SLC26A11: variants seen among roughly 807,000 people sequenced by gnomAD.
SLC26A11 encodes the protein sodium-independent sulfate anion transporter.
SLC26A11 carries 58 observed loss-of-function variants against 62.2 expected under a neutral mutation model. The observed-to-expected ratio is 0.93, with a 90% confidence interval of 0.76 to 1.16. The LOEUF is 1.16. Ranked by LOEUF, SLC26A11 falls within the 50% of genes most tolerant of loss-of-function variation. The probability of loss-of-function intolerance (pLI) is 0.00; values close to 1 mark genes in which losing one functional copy is unlikely to be tolerated. For synonymous variants in SLC26A11, 411 were observed against 368.9 expected (o/e 1.11, Z -1.31); for missense variants, 790 against 794.3 (o/e 0.99, Z 0.06).
Position 80,222,976 on chromosome 17 carries a change from T to C in SLC26A11, c.427+129T>C. 1.4e-6 allele frequency: 1 copy of C among 725,362 alleles called. No homozygotes were observed. The highest frequency in any genetic ancestry group is 2.2e-6 in the Non-Finnish European group (1 of 457,174). 44.9% of individuals were successfully genotyped at this position (725,362 alleles called of 1,614,324 possible). Reference sequence around the variant, plus strand: ...GGGTATGTATGTGTGTGTGTGTAGGTGGGTGGGTGGTGGAGGGGGTGGGGC... The same window carrying C: ...GGGTATGTATGTGTGTGTGTGTAGGCGGGTGGGTGGTGGAGGGGGTGGGGC... On this transcript the variant is annotated intron_variant, in intron 4 of 17. Coordinates refer to ENST00000361193, the MANE Select transcript of SLC26A11 (RefSeq NM_001166347.2). This position sits in a 1 kb window ranked among gnomAD's most constrained non-coding sequence, Gnocchi z 4.7.
In SLC26A11 at chr17:80,223,561, C is replaced by T. The variant is rs1368446509; in HGVS notation, c.513+224C>T. Among the ~76,000 whole-genome samples, 13 of 152,216 alleles carry T rather than the reference C, an allele frequency of 8.5e-5. No homozygotes were observed. Among genetic ancestry groups the T allele is most frequent in the African/African-American group, 2.4e-4 (10 of 41,450 alleles). On this transcript the variant is annotated intron_variant, in intron 5 of 17. Coordinates refer to ENST00000361193, the MANE Select transcript of SLC26A11 (RefSeq NM_001166347.2). The surrounding 1 kb of genome is among the most constrained non-coding windows in gnomAD (Gnocchi z 4.6). ...GTCACGTGATGGTTGGATTTCACAG[C>T]GGGTAACTTGGGGGCCGGTAATTCC...
At chr17:80,232,560 A>G (rs906566884) in intron 7 of SLC26A11, among the ~76,000 whole-genome samples, 4 of 151,966 alleles carry the variant, frequency 2.6e-5, no homozygotes, top group African/African-American at 9.7e-5. Context: ...TTTACTTTTA[A>G]CGTATTTAAT....
chr17:80,243,443 G>A (rs1026527167), intron 10 of SLC26A11, among the ~76,000 whole-genome samples: 1 of 151,782 alleles, frequency 6.6e-6, no homozygotes, highest in African/African-American at 2.4e-5. Flanking sequence ...TGTCGCCCAG[G>A]CTGGAGTGCA....
Position 80,248,606 on chromosome 17 carries a change from C to T in SLC26A11, c.1454C>T (p.Pro485Leu), listed in dbSNP as rs200526137. 1.6e-5 allele frequency: 26 copies of T among 1,589,100 alleles called. No individual in the cohort carries two copies. In the Middle Eastern group the frequency reaches 5.1e-4, roughly 31 times the overall value. The change falls in exon 15 of 18, where the codon CCG becomes CTG. Residue 485 changes from proline to leucine, a missense_variant. By Grantham distance (98) the Pro-to-Leu change is moderately conservative. Coordinates refer to ENST00000361193, the MANE Select transcript of SLC26A11 (RefSeq NM_001166347.2). Reference sequence around the variant, plus strand: ...GAGGGGCCGGTTCTGGTCCTGCAGCCGGCCAGCGGCCTGTCCTTCCCTGCC... The same window carrying T: ...GAGGGGCCGGTTCTGGTCCTGCAGCTGGCCAGCGGCCTGTCCTTCCCTGCC... ...VSEGPVLVLQPASGLSFPAME... is the reference protein window; with the variant it reads ...VSEGPVLVLQLASGLSFPAME...
In SLC26A11 at chr17:80,234,660, G is replaced by A. The variant is rs113856670; in HGVS notation, c.737-2268G>A. 9.6e-4 allele frequency among the ~76,000 whole-genome samples: 146 copies of A among 152,202 alleles called. 1 individual carries two copies. The highest frequency in any genetic ancestry group is 3.1e-3 in the African/African-American group (130 of 41,530). On this transcript the variant is annotated intron_variant, in intron 7 of 17. Coordinates refer to ENST00000361193, the MANE Select transcript of SLC26A11 (RefSeq NM_001166347.2). ...CCCCTGTCTGTATTTCAGGCACCTC[G>A]AAGGTGTTCCCACAGCTCACTTGGG... is the stretch of plus-strand genomic sequence containing the variant.
intron 15 of SLC26A11, 133 bp from the exon 16 acceptor site, chr17:80,249,021 C>A: frequency 8.8e-7 from 1 of 1,135,512 alleles, no homozygotes. Flanking sequence ...CCCAACTGGG[C>A]GACTCAGCCG....
chr17:80,245,308 T>A, intron 11 of SLC26A11, 52 bp downstream of exon 11: 1 of 1,575,864 alleles, frequency 6.3e-7, no homozygotes, highest in Non-Finnish European at 8.7e-7. Flanking sequence ...GCCCTAACGT[T>A]GTTACGCTGA....
intron 7 of SLC26A11, among the ~76,000 whole-genome samples, chr17:80,236,474 C>G (rs897162518): frequency 6.6e-6 from 1 of 152,230 alleles, no homozygotes; most frequent in Admixed American, 6.5e-5. Context: ...GTGATAGACT[C>G]ACCTCCCTTG....
At chr17:80,244,246 C>T (rs896503637) in intron 10 of SLC26A11, among the ~76,000 whole-genome samples, 5 of 152,182 alleles carry the variant, frequency 3.3e-5, no homozygotes, top group Admixed American at 2.0e-4. Context: ...CAGTGATCCC[C>T]GTTCTTGGGC....
intron 9 of SLC26A11, among the ~76,000 whole-genome samples, chr17:80,239,258 T>A (rs572959289): frequency 1.3e-5 from 2 of 152,022 alleles, no homozygotes; most frequent in East Asian, 3.9e-4. Flanking sequence ...TTTGTATTTT[T>A]AGTAGAGATG....
rs541494917 is a variant in SLC26A11 at position 80,246,989 on chromosome 17, G to T, written c.1294+340G>T. 7.2e-5 allele frequency among the ~76,000 whole-genome samples: 11 copies of T among 151,776 alleles called. 1 individual carries two copies. The South Asian group carries it at 2.3e-3, about 32-fold the overall frequency. The stretch of plus-strand genomic sequence containing the variant: ...CCCGGCCCAGCTGGGGGAGGGACAG[G>T]AGACGTCCCTGGTGACCAGCAGGGC... On this transcript the variant is annotated intron_variant, in intron 13 of 17. Coordinates refer to ENST00000361193, the MANE Select transcript of SLC26A11 (RefSeq NM_001166347.2). This position sits in a 1 kb window ranked among gnomAD's most constrained non-coding sequence, Gnocchi z 4.4.
chr17:80,252,938 T>G lies in SLC26A11; in HGVS notation c.*222T>G. The G allele has an allele frequency of 4.2e-6, 2 of 475,388 alleles. No individual in the cohort carries two copies. The highest frequency in any genetic ancestry group is 7.6e-6 in the Non-Finnish European group (2 of 262,066). 29.4% of individuals were successfully genotyped at this position (475,388 alleles called of 1,614,324 possible). On this transcript the variant is annotated 3_prime_UTR_variant, in exon 18 of 18. Coordinates refer to ENST00000361193, the MANE Select transcript of SLC26A11 (RefSeq NM_001166347.2). The surrounding 1 kb of genome is among the most constrained non-coding windows in gnomAD (Gnocchi z 5.2). ...TGACTGGAAAATGACCTCGCTGCTG[T>G]TCCCTGGCATGACCCTCTTTGGAAG... is the stretch of plus-strand genomic sequence containing the variant.
chr17:80,246,582 C>T lies in SLC26A11; in HGVS notation c.1227C>T (p.Ala409=), dbSNP rs763377488. The change falls in exon 13 of 18, where the codon GCC becomes GCT. Residue 409 remains alanine, a synonymous_variant. Transcript: ENST00000361193. The surrounding 1 kb of genome is among the most constrained non-coding windows in gnomAD (Gnocchi z 4.4). ...ACATCCCCAAGTCTGCCCTGGCTGC[C>T]GTCATCATCATGGCCGTGGCCCCGC... The part of the protein sequence containing the change: ...FYYIPKSALA[A]VIIMAVAPLF... The T allele has an allele frequency of 6.8e-6, 11 of 1,613,902 alleles. No individual in the cohort carries two copies. The highest frequency in any genetic ancestry group is 6.7e-5 in the African/African-American group (5 of 74,936).
intron 5 of SLC26A11, among the ~76,000 whole-genome samples, chr17:80,225,329 C>T (rs985479325): frequency 2.0e-5 from 3 of 152,248 alleles, no homozygotes; most frequent in African/African-American, 7.2e-5. Flanking sequence ...CCCTCAGAGC[C>T]CTCCACATCT....
chr17:80,249,243 G>A lies in SLC26A11; in HGVS notation c.1612G>A (p.Asp538Asn). Residue 538 changes from aspartate (D) to asparagine (N), a missense_variant, in exon 16 of 18, where the codon GAC becomes AAC. Coordinates refer to ENST00000361193, the MANE Select transcript of SLC26A11 (RefSeq NM_001166347.2). ...VVLGLGELLQ[D>N]FQKQGVALAF... The stretch of plus-strand genomic sequence containing the variant: ...GCTGGGACTCGGCGAGCTCCTCCAG[G>A]ACTTCCAGAAGCAGGGCGTCGCCCT... 1 of 1,611,640 alleles carries A rather than the reference G, an allele frequency of 6.2e-7. No individual in the cohort carries two copies. The highest frequency in any genetic ancestry group is 8.5e-7 in the Non-Finnish European group (1 of 1,180,002).
chr17:80,249,677 G>A (rs1009715885), intron 16 of SLC26A11, among the ~76,000 whole-genome samples: 8 of 152,110 alleles, frequency 5.3e-5, no homozygotes, highest in African/African-American at 1.2e-4. Flanking sequence ...AGGCCAAGGC[G>A]GGCAGATCAC....
chr17:80,222,968 TG>T lies in SLC26A11; in HGVS notation c.427+122del. 1 of 996,944 alleles carries T rather than the reference TG, an allele frequency of 1.0e-6. No homozygotes were observed. The highest frequency in any genetic ancestry group is 1.5e-6 in the Non-Finnish European group (1 of 682,220). The allele number at this position is 996,944 out of a possible 1,614,324, so 61.8% of individuals were successfully genotyped here. ...TGGGGTGTGGGTATGTATGTGTGTG[TG>T]TGTAGGTGGGTGGGTGGTGGAGGGG... On this transcript the variant is annotated intron_variant, in intron 4 of 17. Transcript: ENST00000361193. The surrounding 1 kb of genome is among the most constrained non-coding windows in gnomAD (Gnocchi z 4.7).
intron 6 of SLC26A11, among the ~76,000 whole-genome samples, chr17:80,227,536 G>A (rs561082648): frequency 1.3e-5 from 2 of 152,386 alleles, no homozygotes; most frequent in Non-Finnish European, 1.5e-5. Context: ...GAACAGGGAT[G>A]CATATTGCTT....
At position 80,248,644 on chromosome 17, in the gene SLC26A11, C is replaced by G; in HGVS notation, c.1492C>G (p.Arg498Gly). Residue 498 changes from arginine to glycine, a missense_variant, in exon 15 of 18, where the codon CGG becomes GGG. Physicochemically the swap from Arg to Gly is moderately radical, Grantham distance 125. Coordinates refer to ENST00000361193, the MANE Select transcript of SLC26A11 (RefSeq NM_001166347.2). ...GTCCTTCCCTGCCATGGAGGCTCTG[C>G]GGGAGGAGATCCTAAGCCGGGCCCT... ...GLSFPAMEAL[R>G]EEILSRALEV... 6.3e-7 allele frequency: 1 copy of G among 1,581,836 alleles called. No individual in the cohort carries two copies. Among genetic ancestry groups the G allele is most frequent in the Non-Finnish European group, 8.6e-7 (1 of 1,163,992 alleles).
Sources: allele counts gnomAD v4.1 joint callset (sites outside exome capture counted in the v4.1 genomes callset), GRCh38; gene constraint gnomAD v4.1.1; non-coding constraint Gnocchi (gnomAD v3.1); transcripts MANE v1.5; gene names NCBI Gene and HGNC (gene_info 2026-07-23, HGNC 2026-07-21).